The following AXDND1 variants were observed in gnomAD, a reference collection of about 807,000 sequenced individuals.
The protein encoded by AXDND1 is axonemal dynein light chain domain-containing protein 1.
In AXDND1, 110 loss-of-function variants were observed where a neutral mutation model predicts 137.5. That is an observed-to-expected ratio of 0.80 (90% CI 0.69 to 0.94). The LOEUF (loss-of-function observed/expected upper bound fraction) is 0.94, where lower values mean the gene tolerates loss of function less well. Among genes scored for constraint, AXDND1 ranks in the 40% least tolerant of loss-of-function variants. AXDND1 has a pLI of 0.00. For missense variants in AXDND1, 1,191 were observed against 1,169.8 expected, an observed-to-expected ratio of 1.02 and a Z score of -0.26; for synonymous variants, 414 against 399.7, an observed-to-expected ratio of 1.04 and a Z score of -0.43.
At chr1:179,486,434 A>C (rs1221947573) in intron 18 of AXDND1, among the ~76,000 whole-genome samples, 1 of 152,212 alleles carries the variant, frequency 6.6e-6, no homozygotes, top group Non-Finnish European at 1.5e-5. Flanking sequence ...AAATTTTCAC[A>C]ACCTCACTAA....
rs957389380 is a variant in AXDND1 at position 179,366,423 on chromosome 1, A to T, written c.-87A>T. ...CTGCAGGACTATGTGGCAGCCTGCA[A>T]GTCCCAGTGCGGCGCTGATTTGTGT... is the stretch of plus-strand genomic sequence containing the variant. On this transcript the variant is annotated 5_prime_UTR_variant, in exon 2 of 26. In the 5' UTR this introduces an upstream ATG that the reference lacks. Transcript: ENST00000367618. 3.8e-5 allele frequency: 39 copies of T among 1,034,204 alleles called. No homozygotes were observed. Among genetic ancestry groups the T allele is most frequent in the Non-Finnish European group, 5.5e-5 (37 of 666,684 alleles). The allele number at this position is 1,034,204 out of a possible 1,614,324, so 64.1% of individuals were successfully genotyped here. A position where few individuals can be genotyped will look rare whatever the true frequency, so the allele number is the denominator to read the frequency against.
At chr1:179,494,427 T>G (rs1667243417) in intron 20 of AXDND1, among the ~76,000 whole-genome samples, 1 of 152,198 alleles carries the variant, frequency 6.6e-6, no homozygotes, top group Non-Finnish European at 1.5e-5. Flanking sequence ...ACCCGTTTAG[T>G]ATTGATTTGT....
At chr1:179,456,867 G>C in intron 16 of AXDND1, 1 of 841,462 alleles carries the variant, frequency 1.2e-6, no homozygotes, top group Non-Finnish European at 2.0e-6. Context: ...TTTATCCATG[G>C]AGTTATGATT....
intron 12 of AXDND1, among the ~76,000 whole-genome samples, chr1:179,420,684 A>G (rs1279688338): frequency 6.7e-6 from 1 of 148,236 alleles, no homozygotes. Context: ...GTGCAGTGGC[A>G]CAGTCTTGGC....
At chr1:179,496,848 C>T (rs187999119) in intron 20 of AXDND1, among the ~76,000 whole-genome samples, 6 of 152,140 alleles carry the variant, frequency 3.9e-5, no homozygotes, top group African/African-American at 1.4e-4. Flanking sequence ...TTTAGTAGTA[C>T]AAACTTTCTG....
intron 23 of AXDND1, among the ~76,000 whole-genome samples, chr1:179,530,507 G>A (rs1230371130): frequency 6.6e-6 from 1 of 152,306 alleles, no homozygotes; most frequent in South Asian, 2.1e-4. Context: ...CTAGGAGCCT[G>A]CAGCCTGGGA....
intron 16 of AXDND1, among the ~76,000 whole-genome samples, chr1:179,463,752 C>A (rs1357753746): frequency 6.6e-6 from 1 of 152,120 alleles, no homozygotes; most frequent in African/African-American, 2.4e-5. Flanking sequence ...GTGTGGGAGT[C>A]TAAGTCTCTT....
intron 11 of AXDND1, among the ~76,000 whole-genome samples, chr1:179,402,969 A>C (rs1247695162): frequency 6.6e-6 from 1 of 152,182 alleles, no homozygotes; most frequent in Non-Finnish European, 1.5e-5. Flanking sequence ...TACTTGAAAC[A>C]GTGTCTTTCA....
chr1:179,395,513 A>T (rs1309840608), intron 11 of AXDND1, among the ~76,000 whole-genome samples: 1 of 152,190 alleles, frequency 6.6e-6, no homozygotes, highest in Non-Finnish European at 1.5e-5. Flanking sequence ...AGATTCTGGA[A>T]CCATACTGTT....
chr1:179,520,679 TG>T (rs1272025438), intron 21 of AXDND1, among the ~76,000 whole-genome samples: 1 of 151,846 alleles, frequency 6.6e-6, no homozygotes, highest in Admixed American at 6.6e-5. Context: ...ATGTTTATGA[TG>T]CTGAATTGTA....
intron 20 of AXDND1, among the ~76,000 whole-genome samples, chr1:179,493,929 C>T (rs1667185960): frequency 6.6e-6 from 1 of 152,144 alleles, no homozygotes; most frequent in Non-Finnish European, 1.5e-5. Flanking sequence ...TTTACATACT[C>T]ACTGACACTT....
intron 10 of AXDND1, among the ~76,000 whole-genome samples, chr1:179,394,449 G>C (rs1209189643): frequency 6.6e-6 from 1 of 152,020 alleles, no homozygotes; most frequent in Non-Finnish European, 1.5e-5. Context: ...AATTAGACAG[G>C]CGTGGTGGCA....
chr1:179,501,425 T>C (rs1356028636), intron 20 of AXDND1, among the ~76,000 whole-genome samples: 7 of 152,230 alleles, frequency 4.6e-5, no homozygotes, highest in Non-Finnish European at 1.5e-5. Context: ...TTAAAAATAC[T>C]AGGGGGCTGG....
At chr1:179,424,035 G>A (rs1156715464) in intron 12 of AXDND1, among the ~76,000 whole-genome samples, 1 of 152,084 alleles carries the variant, frequency 6.6e-6, no homozygotes, top group Non-Finnish European at 1.5e-5. Flanking sequence ...GAGAGGTCTG[G>A]TGGTGGTAAA....
At chr1:179,450,936 C>G (rs1034107366) in intron 16 of AXDND1, 15 of 152,196 alleles carry the variant, frequency 9.9e-5, no homozygotes, top group African/African-American at 3.6e-4. Flanking sequence ...AAAAACGTAA[C>G]CTACTTGATC....
At chr1:179,465,925 C>T (rs747179510) in intron 16 of AXDND1, among the ~76,000 whole-genome samples, 14 of 152,164 alleles carry the variant, frequency 9.2e-5, no homozygotes, top group Non-Finnish European at 1.9e-4. Context: ...CTGAGCCAGG[C>T]GCGGGATATA....
chr1:179,448,422 G>A, intron 16 of AXDND1: 1 of 570,104 alleles, frequency 1.8e-6, no homozygotes, highest in Non-Finnish European at 3.2e-6. Context: ...CATGTGATTT[G>A]TATTTTCTTC....
rs186178540 is a variant in AXDND1, at chr1:179,498,882, A to G, written c.2388+5931A>G. Among the ~76,000 whole-genome samples the G allele has an allele frequency of 3.3e-5, 5 of 151,774 alleles. No individual in the cohort carries two copies. In the Admixed American group the frequency reaches 3.3e-4, roughly 10 times the overall value. On this transcript the variant is annotated intron_variant, in intron 20 of 25. Coordinates refer to ENST00000367618, the MANE Select transcript of AXDND1 (RefSeq NM_144696.6). ...CAAATCAAAACCACAATGAGATACC[A>G]TCTTACACCAGTCAGAATAGCTTAT...
chr1:179,544,237 G>A (rs1672433028), intron 25 of AXDND1: 2 of 152,304 alleles, frequency 1.3e-5, no homozygotes, highest in East Asian at 3.9e-4. Context: ...AATAGCTTAT[G>A]CAAGTTTGTT....
Sources: allele counts gnomAD v4.1 joint callset (sites outside exome capture counted in the v4.1 genomes callset), GRCh38; gene constraint gnomAD v4.1.1; transcripts MANE v1.5; gene names NCBI Gene and HGNC (gene_info 2026-07-23, HGNC 2026-07-21).